The following OLFM3 variants were observed in gnomAD, a reference collection of about 807,000 sequenced individuals.
OLFM3 encodes noelin-3.
In OLFM3, 20 loss-of-function variants were observed where a neutral mutation model predicts 48.6. The observed-to-expected ratio is 0.41, with a 90% CI of 0.29 to 0.60. The LOEUF (loss-of-function observed/expected upper bound fraction) is 0.60, where lower values mean the gene tolerates loss of function less well. Among genes scored for constraint, OLFM3 ranks in the 20% least tolerant of loss-of-function variants. The pLI is 0.28. For synonymous variants in OLFM3, 222 were observed against 198.1 expected, an observed-to-expected ratio of 1.12 and a Z score of -1.01; for missense variants, 437 against 544.3, an observed-to-expected ratio of 0.80 and a Z score of 1.96.
chr1:101,817,424 T>C (rs988068725), intron 4 of OLFM3, among the ~76,000 whole-genome samples: 2 of 152,152 alleles, frequency 1.3e-5, no homozygotes, highest in Admixed American at 6.5e-5. Context: ...AATGCAGTAA[T>C]TGAAGAAAGT....
intron 1 of OLFM3, among the ~76,000 whole-genome samples, chr1:101,868,606 G>T (rs1656948271): frequency 6.6e-6 from 1 of 152,220 alleles, no homozygotes; most frequent in Admixed American, 6.5e-5. Context: ...CCATTTTCTA[G>T]AGAGAAATTC....
chr1:101,976,097 C>G (rs964947163), intron 1 of OLFM3, among the ~76,000 whole-genome samples: 33 of 152,244 alleles, frequency 2.2e-4, no homozygotes, highest in African/African-American at 7.7e-4. Context: ...ACATGAAAGT[C>G]TCCAAAACAC....
intron 1 of OLFM3, among the ~76,000 whole-genome samples, chr1:101,919,929 T>C (rs569095914): frequency 6.6e-6 from 1 of 152,174 alleles, no homozygotes; most frequent in East Asian, 1.9e-4. Flanking sequence ...ATGTTCTCTA[T>C]CTCAGTAAAT....
At chr1:101,862,950 T>C (rs1391922295) in intron 1 of OLFM3, among the ~76,000 whole-genome samples, 1 of 152,142 alleles carries the variant, frequency 6.6e-6, no homozygotes, top group East Asian at 1.9e-4. Flanking sequence ...ATTTTTCAAG[T>C]TGAATACCTT....
At chr1:101,839,916 G>A (rs1191438731) in intron 1 of OLFM3, among the ~76,000 whole-genome samples, 2 of 152,138 alleles carry the variant, frequency 1.3e-5, no homozygotes, top group Non-Finnish European at 2.9e-5. Context: ...ACTATAAAAA[G>A]CCAGCTTTTT....
chr1:101,853,766 G>A (rs1219947447), intron 1 of OLFM3, among the ~76,000 whole-genome samples: 3 of 152,064 alleles, frequency 2.0e-5, no homozygotes, highest in African/African-American at 7.2e-5. Flanking sequence ...TTGCATGTAT[G>A]TTTTTATGTG....
intron 1 of OLFM3, among the ~76,000 whole-genome samples, chr1:101,964,596 C>CTT (rs1557749133): frequency 1.3e-5 from 2 of 152,034 alleles, no homozygotes; most frequent in African/African-American, 4.8e-5. Flanking sequence ...ACTTTCTAAA[C>CTT]TTTATTTTTA....
At chr1:101,818,875 G>C (rs1046407848) in intron 4 of OLFM3, among the ~76,000 whole-genome samples, 1 of 152,048 alleles carries the variant, frequency 6.6e-6, no homozygotes, top group Non-Finnish European at 1.5e-5. Context: ...AATCAAATTT[G>C]CTCTTGACCA....
chr1:101,952,880 C>T (rs1461072249), intron 1 of OLFM3, among the ~76,000 whole-genome samples: 2 of 152,112 alleles, frequency 1.3e-5, no homozygotes, highest in Non-Finnish European at 2.9e-5. Context: ...CTCTCATGAT[C>T]TCATTCATGG....
chr1:101,805,319 AT>A (rs1376959444), intron 5 of OLFM3, among the ~76,000 whole-genome samples: 2 of 151,860 alleles, frequency 1.3e-5, no homozygotes, highest in Non-Finnish European at 2.9e-5. Context: ...TCTGAAAAAA[AT>A]GTATAGTCTA....
At chr1:101,968,585 G>T (rs2339200) in intron 1 of OLFM3, among the ~76,000 whole-genome samples, 27,520 of 143,182 alleles carry the variant, frequency 0.19, 2,744 homozygotes, top group Non-Finnish European at 0.2. Context: ...TATCCCACAA[G>T]TATTCCATTA....
At chr1:101,847,848 T>A (rs139559309) in intron 1 of OLFM3, among the ~76,000 whole-genome samples, 1 of 152,064 alleles carries the variant, frequency 6.6e-6, no homozygotes, top group Non-Finnish European at 1.5e-5. Context: ...TGATTTAGTA[T>A]AAAGGGCACA....
At chr1:101,821,491 A>G (rs1654605148) in intron 4 of OLFM3, among the ~76,000 whole-genome samples, 1 of 152,052 alleles carries the variant, frequency 6.6e-6, no homozygotes, top group African/African-American at 2.4e-5. Context: ...TAATGACTGT[A>G]TGGCTCTGCC....
chr1:101,855,239 A>C (rs1026864388), intron 1 of OLFM3, among the ~76,000 whole-genome samples: 1 of 152,064 alleles, frequency 6.6e-6, no homozygotes, highest in African/African-American at 2.4e-5. Flanking sequence ...AGAACTTTAC[A>C]TGTATGAAGT....
intron 1 of OLFM3, among the ~76,000 whole-genome samples, chr1:101,936,264 C>CA: frequency 1.3e-5 from 2 of 152,206 alleles, no homozygotes; most frequent in East Asian, 3.9e-4. Context: ...ACAACTTCAA[C>CA]AGTTTCAGGA....
At chr1:101,872,257 T>C (rs1657111923) in intron 1 of OLFM3, among the ~76,000 whole-genome samples, 1 of 152,066 alleles carries the variant, frequency 6.6e-6, no homozygotes, top group Non-Finnish European at 1.5e-5. Context: ...GGTAGTGGCA[T>C]GAGAAAATTT....
At chr1:101,935,789 G>C (rs545592858) in intron 1 of OLFM3, among the ~76,000 whole-genome samples, 8 of 152,186 alleles carry the variant, frequency 5.3e-5, no homozygotes, top group East Asian at 3.9e-4. Context: ...TGATCAGGTA[G>C]ACTTTAACCC....
intron 3 of OLFM3, among the ~76,000 whole-genome samples, chr1:101,827,450 G>A (rs1288571605): frequency 6.6e-6 from 1 of 152,100 alleles, no homozygotes; most frequent in African/African-American, 2.4e-5. Context: ...CTCTCGAGTG[G>A]CTGGGACTAC....
rs140788837 is a variant in OLFM3 at position 101,897,394 on chromosome 1, G to A, written c.70-60369C>T. On this transcript the variant is annotated intron_variant, in intron 1 of 5. Transcript: ENST00000370103. ...ATGTATACAATGAGCTTTGTAAAAT[G>A]GTTAAGTTTTACATGGCAGGAGAAC... is the stretch of plus-strand genomic sequence containing the variant. 3.4e-3 allele frequency among the ~76,000 whole-genome samples: 524 copies of A among 152,192 alleles called. 3 individuals carry two copies. Among genetic ancestry groups the A allele is most frequent in the African/African-American group, 0.012 (502 of 41,538 alleles).
Sources: allele counts gnomAD v4.1 joint callset (sites outside exome capture counted in the v4.1 genomes callset), GRCh38; gene constraint gnomAD v4.1.1; transcripts MANE v1.5; gene names NCBI Gene and HGNC (gene_info 2026-07-23, HGNC 2026-07-21).